The following TASP1 variants were observed in gnomAD, a reference collection of about 807,000 sequenced individuals.
TASP1 encodes taspase 1.
A neutral mutation model predicts 56.6 loss-of-function variants in TASP1; 16 were observed. The observed-to-expected ratio is 0.28, with a 90% confidence interval of 0.19 to 0.43. The LOEUF is 0.43. TASP1 is among the 20% of genes least tolerant of loss of function. The pLI is 1.00. For missense variants in TASP1, 393 were observed against 511.6 expected (o/e 0.77, Z 2.24); for synonymous variants, 179 against 184.2 (o/e 0.97, Z 0.23).
intron 4 of TASP1, among the ~76,000 whole-genome samples, chr20:13,612,085 C>A (rs1423628858): frequency 2.0e-5 from 3 of 152,036 alleles, no homozygotes; most frequent in African/African-American, 7.3e-5. Context: ...AATGACAGTC[C>A]TAACAACAAA....
the TASP1 span, among the ~76,000 whole-genome samples, chr20:13,359,467 G>A: frequency 6.6e-6 from 1 of 151,622 alleles, no homozygotes; most frequent in Non-Finnish European, 1.5e-5. Flanking sequence ...AAGCCCCCTA[G>A]ACCATCACGG....
the TASP1 span, among the ~76,000 whole-genome samples, chr20:13,214,554 C>T: frequency 9.5e-6 from 1 of 105,262 alleles, no homozygotes. Context: ...CACACACACA[C>T]ACACACACAG....
chr20:13,221,251 TC>T, the TASP1 span, among the ~76,000 whole-genome samples: 57 of 120,598 alleles, frequency 4.7e-4, no homozygotes, highest in Admixed American at 1.1e-3. Flanking sequence ...CTCCTCCTCC[TC>T]CTCCTCCTCC....
At chr20:13,558,945 T>A in intron 8 of TASP1, 63 bp downstream of exon 8, 5 of 1,051,770 alleles carry the variant, frequency 4.8e-6, no homozygotes, top group Non-Finnish European at 6.9e-6. Flanking sequence ...CTAAAGCTTG[T>A]ATCTAAATGC....
the TASP1 span, among the ~76,000 whole-genome samples, chr20:13,142,123 C>T: frequency 1.3e-5 from 2 of 152,228 alleles, no homozygotes; most frequent in African/African-American, 4.8e-5. Context: ...CAAGGGTAGA[C>T]TTTTATGAAA....
chr20:13,247,186 G>A, the TASP1 span, among the ~76,000 whole-genome samples: 6 of 151,928 alleles, frequency 3.9e-5, no homozygotes, highest in Non-Finnish European at 5.9e-5. Context: ...AGCCGAGATC[G>A]CACCATTGCA....
chr20:13,230,751 A>AAAAAG, the TASP1 span, among the ~76,000 whole-genome samples: 2 of 152,012 alleles, frequency 1.3e-5, no homozygotes, highest in Non-Finnish European at 2.9e-5. Context: ...TTGTAGAAAA[A>AAAAAG]AAAAGAAAAG....
At chr20:13,627,524 G>T (rs1052559594) in intron 2 of TASP1, among the ~76,000 whole-genome samples, 1 of 152,112 alleles carries the variant, frequency 6.6e-6, no homozygotes, top group African/African-American at 2.4e-5. Flanking sequence ...GGCCGAGGCG[G>T]GTGGATCACC....
downstream of TASP1, among the ~76,000 whole-genome samples, chr20:13,386,514 T>G (rs2041163980): frequency 6.6e-6 from 1 of 152,186 alleles, no homozygotes; most frequent in Non-Finnish European, 1.5e-5. Flanking sequence ...ATCCCACAAT[T>G]ATTAATACAA....
the TASP1 span, among the ~76,000 whole-genome samples, chr20:13,108,247 T>C: frequency 1.3e-5 from 2 of 152,194 alleles, no homozygotes; most frequent in African/African-American, 4.8e-5. Context: ...TAAATGTACT[T>C]GATAATTAAA....
rs139764614 is a variant in TASP1 at position 13,457,027 on chromosome 20, A to G, written c.986-21873T>C. The stretch of plus-strand genomic sequence containing the variant: ...TCAGCAAACTATCACAAGGACAGAA[A>G]ACCAAACACCGCATGTTCTCACTCA... On this transcript the variant is annotated intron_variant, in intron 11 of 13. Coordinates refer to ENST00000337743, the MANE Select transcript of TASP1 (RefSeq NM_017714.3). 8.7e-3 allele frequency among the ~76,000 whole-genome samples: 1,328 copies of G among 152,196 alleles called. 22 individuals are homozygous for G. Among genetic ancestry groups the G allele is most frequent in the African/African-American group, 0.03 (1,238 of 41,538 alleles).
At chr20:13,314,597 C>T in the TASP1 span, among the ~76,000 whole-genome samples, 1 of 151,712 alleles carries the variant, frequency 6.6e-6, no homozygotes, top group Admixed American at 6.6e-5. Flanking sequence ...AATTTGTTAC[C>T]AGTAGAAGTG....
At chr20:13,192,204 G>T in the TASP1 span, among the ~76,000 whole-genome samples, 1 of 152,176 alleles carries the variant, frequency 6.6e-6, no homozygotes, top group African/African-American at 2.4e-5. Context: ...AAGTTTTCGA[G>T]GCAGAAGGAA....
intron 11 of TASP1, among the ~76,000 whole-genome samples, chr20:13,477,495 C>T (rs2042987313): frequency 6.6e-6 from 1 of 151,950 alleles, no homozygotes; most frequent in South Asian, 2.1e-4. Flanking sequence ...TGATATTAGT[C>T]GTTAAGTACT....
rs7268224 is a variant in TASP1, at chr20:13,523,469, C to T, written c.874+4964G>A. 9.3e-4 allele frequency among the ~76,000 whole-genome samples: 141 copies of T among 152,266 alleles called. 1 individual carries two copies. Among genetic ancestry groups the T allele is most frequent in the African/African-American group, 3.0e-3 (125 of 41,572 alleles). ...CCCTCCTGACAAAGGTCTCTGGGCA[C>T]GAGTTTTCTAACACAGTCCCATAGA... On this transcript the variant is annotated intron_variant, in intron 10 of 13. Coordinates refer to ENST00000337743, the MANE Select transcript of TASP1 (RefSeq NM_017714.3).
At chr20:13,361,292 C>A in the TASP1 span, among the ~76,000 whole-genome samples, 420 of 152,186 alleles carry the variant, frequency 2.8e-3, 1 homozygote, top group East Asian at 8.9e-3. Context: ...GCAGTCATTT[C>A]TTCCGTTCTG....
the TASP1 span, among the ~76,000 whole-genome samples, chr20:13,177,622 A>G: frequency 6.6e-6 from 1 of 152,196 alleles, no homozygotes; most frequent in Admixed American, 6.5e-5. Context: ...TCTACAGCCA[A>G]CTGATTTTTG....
intron 10 of TASP1, among the ~76,000 whole-genome samples, chr20:13,497,604 A>G (rs2043780661): frequency 6.6e-6 from 1 of 152,220 alleles, no homozygotes; most frequent in African/African-American, 2.4e-5. Flanking sequence ...CCTTTGCTGA[A>G]TAGTAAGACT....
intron 4 of TASP1, among the ~76,000 whole-genome samples, chr20:13,599,512 C>CA (rs1486906810): frequency 3.3e-5 from 5 of 152,138 alleles, no homozygotes; most frequent in Non-Finnish European, 7.3e-5. Context: ...GAACATCACA[C>CA]ACCAGGGCCT....
Sources: allele counts gnomAD v4.1 joint callset (sites outside exome capture counted in the v4.1 genomes callset), GRCh38; gene constraint gnomAD v4.1.1; transcripts MANE v1.5; gene names NCBI Gene and HGNC (gene_info 2026-07-23, HGNC 2026-07-21).